The following PCCA variants were observed in gnomAD, a reference collection of about 807,000 sequenced individuals.
PCCA encodes propionyl-CoA carboxylase alpha chain, mitochondrial.
In PCCA, 74 loss-of-function variants were observed where a neutral mutation model predicts 101.3. The ratio of observed to expected loss-of-function variants is 0.73; its 90% CI spans 0.61 to 0.89. The LOEUF (loss-of-function observed/expected upper bound fraction) is 0.89, where lower values mean the gene tolerates loss of function less well. Among genes scored for constraint, PCCA ranks in the 40% least tolerant of loss-of-function variants. PCCA has a pLI of 0.00. For missense variants in PCCA, 891 were observed against 907.0 expected, an observed-to-expected ratio of 0.98 and a Z score of 0.23; for synonymous variants, 294 against 313.6, an observed-to-expected ratio of 0.94 and a Z score of 0.66.
intron 21 of PCCA, among the ~76,000 whole-genome samples, chr13:100,473,959 T>C (rs2083221114): frequency 6.6e-6 from 1 of 152,210 alleles, no homozygotes; most frequent in Non-Finnish European, 1.5e-5. Flanking sequence ...TACTGTGACT[T>C]TTTTGTGGTT....
At chr13:100,496,354 G>A (rs754518796) in intron 21 of PCCA, among the ~76,000 whole-genome samples, 2 of 152,180 alleles carry the variant, frequency 1.3e-5, no homozygotes, top group African/African-American at 4.8e-5. Context: ...CCTGAATCTC[G>A]AATCGTTCCT....
At chr13:100,251,905 TG>T (rs1187049640) in intron 8 of PCCA, among the ~76,000 whole-genome samples, 1 of 152,180 alleles carries the variant, frequency 6.6e-6, no homozygotes, top group Admixed American at 6.5e-5. Context: ...ACAACCACCC[TG>T]GGTTCTTCAG....
At chr13:100,381,909 AG>A (rs1402425820) in intron 19 of PCCA, among the ~76,000 whole-genome samples, 1 of 152,242 alleles carries the variant, frequency 6.6e-6, no homozygotes, top group Non-Finnish European at 1.5e-5. Context: ...GGGCGCCAGC[AG>A]GAGCGAACTC....
chr13:100,089,298 G>C (rs1054911426), intron 1 of PCCA, 73 bp downstream of exon 1: 1 of 1,343,272 alleles, frequency 7.4e-7, no homozygotes, highest in Non-Finnish European at 9.5e-7. Context: ...GGCGGCTGGC[G>C]CCGGGAGAGC....
chr13:100,112,260 C>G (rs895932520), intron 4 of PCCA, among the ~76,000 whole-genome samples, 199 bp downstream of exon 4: 6 of 152,152 alleles, frequency 3.9e-5, no homozygotes, highest in African/African-American at 1.4e-4. Flanking sequence ...CTTTTCATAG[C>G]TTTAAAAACT....
chr13:100,274,338 A>G (rs993813894), intron 12 of PCCA, among the ~76,000 whole-genome samples: 28 of 152,274 alleles, frequency 1.8e-4, no homozygotes, highest in African/African-American at 6.5e-4. Context: ...GAACTCCTGT[A>G]TGATACATTT....
chr13:100,165,761 G>A (rs1490404399), intron 6 of PCCA, among the ~76,000 whole-genome samples: 2 of 152,082 alleles, frequency 1.3e-5, no homozygotes, highest in Non-Finnish European at 2.9e-5. Context: ...GCCAGGTGTG[G>A]TATCTTACAC....
At chr13:100,286,747 C>CTT (rs547082648) in intron 12 of PCCA, among the ~76,000 whole-genome samples, 4 of 137,756 alleles carry the variant, frequency 2.9e-5, no homozygotes, top group African/African-American at 2.7e-5. Flanking sequence ...GAGGAGAAAC[C>CTT]TTTTTTTTTT....
rs149315124 is a variant in PCCA, at chr13:100,141,576, G to T, written c.301-13403G>T. The stretch of plus-strand genomic sequence containing the variant: ...CAGGCATGCACCACCATGTCCAGCT[G>T]ATTTTTTTGTATTTTTAATAGAGAC... On this transcript the variant is annotated intron_variant, in intron 4 of 23. Coordinates refer to ENST00000376285, the MANE Select transcript of PCCA (RefSeq NM_000282.4). Among the ~76,000 whole-genome samples the T allele has an allele frequency of 1.2e-3, 175 of 152,042 alleles. 1 individual carries two copies. The highest frequency in any genetic ancestry group is 4.1e-3 in the African/African-American group (168 of 41,474).
At chr13:100,367,479 TTGTG>T (rs151316391) in intron 18 of PCCA, among the ~76,000 whole-genome samples, 1 of 149,552 alleles carries the variant, frequency 6.7e-6, no homozygotes, top group African/African-American at 2.4e-5. Flanking sequence ...ATTTAGGGTT[TTGTG>T]TGTGTGTGTG....
intron 4 of PCCA, among the ~76,000 whole-genome samples, chr13:100,147,819 T>A (rs1256640497): frequency 6.6e-6 from 1 of 152,230 alleles, no homozygotes; most frequent in Non-Finnish European, 1.5e-5. Context: ...TTCAAATGTA[T>A]ACTTTCACTC....
At chr13:100,154,782 G>A in intron 4 of PCCA, 197 bp from the exon 5 acceptor site, 1 of 575,394 alleles carries the variant, frequency 1.7e-6, no homozygotes. Flanking sequence ...GAATTAGGCT[G>A]TAATAAATGA....
intron 6 of PCCA, among the ~76,000 whole-genome samples, chr13:100,206,472 C>T (rs988243534): frequency 6.6e-6 from 1 of 152,080 alleles, no homozygotes; most frequent in African/African-American, 2.4e-5. Flanking sequence ...GTTGGTCAGG[C>T]TGGTCTCAAA....
At chr13:100,278,700 A>G (rs1384739613) in intron 12 of PCCA, among the ~76,000 whole-genome samples, 2 of 152,072 alleles carry the variant, frequency 1.3e-5, no homozygotes, top group African/African-American at 4.8e-5. Flanking sequence ...GGATGGTCTC[A>G]GTTTCTTGAC....
At chr13:100,376,500 A>G (rs933069512) in intron 19 of PCCA, among the ~76,000 whole-genome samples, 2 of 152,216 alleles carry the variant, frequency 1.3e-5, no homozygotes, top group African/African-American at 2.4e-5. Flanking sequence ...AGTTTTATCT[A>G]GAAGCCCCTG....
intron 20 of PCCA, among the ~76,000 whole-genome samples, chr13:100,438,311 C>T (rs552465761): frequency 1.4e-4 from 22 of 152,066 alleles, no homozygotes; most frequent in African/African-American, 4.8e-4. Flanking sequence ...TGTGCCACCA[C>T]ATGCAATTAA....
intron 19 of PCCA, among the ~76,000 whole-genome samples, chr13:100,373,445 A>G (rs186416167): frequency 1.1e-4 from 17 of 152,324 alleles, no homozygotes; most frequent in African/African-American, 2.6e-4. Context: ...GATATGTGCT[A>G]TATAACACAG....
intron 18 of PCCA, among the ~76,000 whole-genome samples, chr13:100,366,221 C>G (rs1595608359): frequency 1.3e-5 from 2 of 152,052 alleles, no homozygotes; most frequent in Non-Finnish European, 2.9e-5. Context: ...GAGTATTGAC[C>G]CCATTCGAAG....
intron 21 of PCCA, among the ~76,000 whole-genome samples, chr13:100,463,070 T>C (rs2082276421): frequency 6.6e-6 from 1 of 152,122 alleles, no homozygotes; most frequent in South Asian, 2.1e-4. Flanking sequence ...TCTGTACTGA[T>C]GATGGAGAAA....
Sources: allele counts gnomAD v4.1 joint callset (sites outside exome capture counted in the v4.1 genomes callset), GRCh38; gene constraint gnomAD v4.1.1; transcripts MANE v1.5; gene names NCBI Gene and HGNC (gene_info 2026-07-23, HGNC 2026-07-21).